The following CDC42SE2 variants were observed in gnomAD, a reference collection of about 807,000 sequenced individuals.
CDC42SE2 encodes CDC42 small effector protein 2.
Under a neutral mutation model 11.5 loss-of-function variants are expected in CDC42SE2, and 3 were observed. The ratio of observed to expected loss-of-function variants is 0.26; its 90% CI spans 0.12 to 0.67. The LOEUF is 0.67. CDC42SE2 is among the 30% of genes least tolerant of loss of function. The pLI is 0.80. For synonymous variants in CDC42SE2, 33 were observed against 34.8 expected (o/e 0.95, Z 0.18); for missense variants, 82 against 106.8 (o/e 0.77, Z 1.02).
At chr5:131,376,303 C>G (rs560208411) in intron 3 of CDC42SE2, among the ~76,000 whole-genome samples, 1 of 151,788 alleles carries the variant, frequency 6.6e-6, no homozygotes, top group African/African-American at 2.4e-5. Flanking sequence ...GACTTCTGAG[C>G]AGTGGCTGAG....
intron 2 of CDC42SE2, among the ~76,000 whole-genome samples, chr5:131,327,439 A>G (rs1428491672): frequency 1.3e-5 from 2 of 151,974 alleles, no homozygotes; most frequent in African/African-American, 2.4e-5. Flanking sequence ...AGTACCTCCT[A>G]TATTTCTTTT....
intron 1 of CDC42SE2, among the ~76,000 whole-genome samples, chr5:131,272,063 T>C (rs2149694341): frequency 6.6e-6 from 1 of 152,242 alleles, no homozygotes; most frequent in African/African-American, 2.4e-5. Flanking sequence ...CAGGCTAGAG[T>C]GCAGTGGCGC....
At chr5:131,387,355 C>G (rs969002977) in intron 4 of CDC42SE2, among the ~76,000 whole-genome samples, 2 of 152,080 alleles carry the variant, frequency 1.3e-5, no homozygotes, top group African/African-American at 4.8e-5. Flanking sequence ...TCAAGACCAG[C>G]CTGAGCAATG....
At chr5:131,248,575 T>C (rs915483577) in intron 1 of CDC42SE2, among the ~76,000 whole-genome samples, 15 of 152,206 alleles carry the variant, frequency 9.9e-5, no homozygotes, top group African/African-American at 3.6e-4. Flanking sequence ...GTGGTTGATA[T>C]GATTCTTTAC....
intron 1 of CDC42SE2, among the ~76,000 whole-genome samples, chr5:131,273,509 G>T (rs548444152): frequency 6.7e-6 from 1 of 149,382 alleles, no homozygotes; most frequent in Admixed American, 6.6e-5. Context: ...GGTGGCTCAT[G>T]CCTGTAATCC....
the CDC42SE2 span, among the ~76,000 whole-genome samples, chr5:131,213,885 T>TC: frequency 1.3e-5 from 2 of 152,342 alleles, no homozygotes; most frequent in Non-Finnish European, 2.9e-5. Context: ...GGCTTTTTTT[T>TC]CTGCTATAAT....
chr5:131,233,826 C>A, the CDC42SE2 span, among the ~76,000 whole-genome samples: 1 of 152,046 alleles, frequency 6.6e-6, no homozygotes, highest in Non-Finnish European at 1.5e-5. Flanking sequence ...TATATTCTGC[C>A]TCATTAAAAC....
At chr5:131,348,397 A>T (rs889937272) in intron 2 of CDC42SE2, among the ~76,000 whole-genome samples, 10 of 152,278 alleles carry the variant, frequency 6.6e-5, no homozygotes, top group Non-Finnish European at 1.0e-4. Context: ...CACACTTGGT[A>T]CAAAGAGAAT....
intron 1 of CDC42SE2, among the ~76,000 whole-genome samples, chr5:131,247,602 C>T (rs1203873539): frequency 1.3e-5 from 2 of 151,792 alleles, no homozygotes; most frequent in African/African-American, 2.4e-5. Context: ...CTTGATGACG[C>T]AGCAAGACTC....
At chr5:131,299,430 G>A (rs1757636202) in intron 1 of CDC42SE2, among the ~76,000 whole-genome samples, 1 of 152,154 alleles carries the variant, frequency 6.6e-6, no homozygotes, top group Admixed American at 6.5e-5. Context: ...CCGTTTGGCT[G>A]TGGGGGATGA....
In CDC42SE2 at chr5:131,278,391, A is replaced by G. The variant is rs574127361; in HGVS notation, c.-455+14225A>G. Among the ~76,000 whole-genome samples the G allele has an allele frequency of 1.2e-4, 18 of 152,262 alleles. No homozygotes were observed. In the South Asian group the frequency reaches 3.7e-3, roughly 32 times the overall value. On this transcript the variant is annotated intron_variant, in intron 1 of 4. Coordinates refer to ENST00000505065, the MANE Select transcript of CDC42SE2 (RefSeq NM_001375635.1). ...GATTATTCCGATAAAAGCCTGTTTT[A>G]GAAAAGGATGAGAAAATTTAGGAAC... is the stretch of plus-strand genomic sequence containing the variant.
intron 1 of CDC42SE2, among the ~76,000 whole-genome samples, chr5:131,250,214 AAAC>A (rs1392749366): frequency 1.3e-4 from 20 of 152,232 alleles, no homozygotes; most frequent in African/African-American, 4.8e-4. Context: ...AAAAACTTGG[AAAC>A]AACCCAGATG....
intron 3 of CDC42SE2, among the ~76,000 whole-genome samples, chr5:131,382,423 C>T (rs1304451615): frequency 6.6e-6 from 1 of 152,178 alleles, no homozygotes; most frequent in Non-Finnish European, 1.5e-5. Flanking sequence ...CAGAATAAAT[C>T]ACTTAATATG....
At chr5:131,297,154 ATTCTT>A (rs1757585909) in intron 1 of CDC42SE2, among the ~76,000 whole-genome samples, 1 of 67,414 alleles carries the variant, frequency 1.5e-5, no homozygotes, top group African/African-American at 7.0e-5. Context: ...AATACTTTAT[ATTCTT>A]TTTTTTTTTT....
chr5:131,376,013 TG>T (rs1750140955), intron 3 of CDC42SE2, among the ~76,000 whole-genome samples: 1 of 151,750 alleles, frequency 6.6e-6, no homozygotes, highest in Admixed American at 6.6e-5. Context: ...CCAAGGTGGG[TG>T]GATTAGTTGA....
rs144763479 is a variant in CDC42SE2 at position 131,304,060 on chromosome 5, A to G, written c.-454-11916A>G. Among the ~76,000 whole-genome samples the G allele has an allele frequency of 3.2e-3, 492 of 152,154 alleles. 6 individuals carry two copies. The highest frequency in any genetic ancestry group is 0.012 in the African/African-American group (483 of 41,494). On this transcript the variant is annotated intron_variant, in intron 1 of 4. Coordinates refer to ENST00000505065, the MANE Select transcript of CDC42SE2 (RefSeq NM_001375635.1). ...CTGCAACCTTGACCTTCCCGGCCCA[A>G]GGAATCCTTGCACCTCAGCCTTCCA...
At chr5:131,355,980 C>T (rs1422631517) in intron 2 of CDC42SE2, among the ~76,000 whole-genome samples, 1 of 152,180 alleles carries the variant, frequency 6.6e-6, no homozygotes, top group Non-Finnish European at 1.5e-5. Context: ...TCATGTCAGT[C>T]TCATTTGTAA....
chr5:131,372,603 A>G (rs899154985), intron 3 of CDC42SE2, among the ~76,000 whole-genome samples: 25 of 151,828 alleles, frequency 1.6e-4, no homozygotes, highest in African/African-American at 3.9e-4. Context: ...AGTCCCAGCT[A>G]CTCGGGAGGC....
At chr5:131,336,504 T>G (rs1340504176) in intron 2 of CDC42SE2, among the ~76,000 whole-genome samples, 2 of 152,310 alleles carry the variant, frequency 1.3e-5, no homozygotes, top group East Asian at 1.9e-4. Context: ...TTTCCTGAAT[T>G]TGAATGTTGG....
Sources: gnomAD v4.1 joint callset for allele counts (sites outside exome capture counted in the v4.1 genomes callset) on GRCh38, gnomAD v4.1.1 for gene constraint, MANE v1.5 for transcripts, NCBI Gene and HGNC (gene_info 2026-07-23, HGNC 2026-07-21) for gene names.